Variants in ST18 observed in about 807,000 individuals in gnomAD.
ST18 encodes the protein ST18 C2H2C-type zinc finger transcription factor, also known as suppression of tumorigenicity 18 protein.
ST18 carries 50 observed loss-of-function variants against 110.0 expected under a neutral mutation model. That is an observed-to-expected ratio of 0.45 (90% confidence interval 0.36 to 0.58). The LOEUF (loss-of-function observed/expected upper bound fraction) is 0.58, where lower values mean the gene tolerates loss of function less well. ST18 is among the 20% of genes least tolerant of loss of function. The pLI, the probability that ST18 is intolerant of heterozygous loss-of-function variation, is 0.00. For synonymous variants in ST18, 461 were observed against 452.4 expected (o/e 1.02, Z -0.24); for missense variants, 1,306 against 1,280.1 (o/e 1.02, Z -0.31).
At chr8:52,241,181 G>A (rs1441881544) in intron 2 of ST18, among the ~76,000 whole-genome samples, 1 of 152,110 alleles carries the variant, frequency 6.6e-6, no homozygotes, top group African/African-American at 2.4e-5. Context: ...CACCTGCATT[G>A]GAATAAGCTC....
At chr8:52,308,592 T>C (rs2095851372) in intron 2 of ST18, among the ~76,000 whole-genome samples, 1 of 152,224 alleles carries the variant, frequency 6.6e-6, no homozygotes, top group Non-Finnish European at 1.5e-5. Context: ...AAGAAATATT[T>C]CCCAGAAACC....
Position 52,165,239 on chromosome 8 carries a change from A to G in ST18, c.1205-14T>C, listed in dbSNP as rs751782942. The G allele has an allele frequency of 1.2e-6, 2 of 1,613,674 alleles. No individual in the cohort carries two copies. The highest frequency in any genetic ancestry group is 1.7e-6 in the Non-Finnish European group (2 of 1,179,644). Reference sequence around the variant, plus strand: ...GCATGGCAAGAACTAAGCACAAAACAACACATAAAGGAAAGAATACTTTAC... The same window carrying G: ...GCATGGCAAGAACTAAGCACAAAACGACACATAAAGGAAAGAATACTTTAC... On this transcript the variant is annotated splice_polypyrimidine_tract_variant and intron_variant, in intron 11 of 25. Transcript: ENST00000689386.
At chr8:52,340,815 C>T (rs571068919) in intron 2 of ST18, among the ~76,000 whole-genome samples, 1 of 152,076 alleles carries the variant, frequency 6.6e-6, no homozygotes, top group African/African-American at 2.4e-5. Context: ...TCACCAAACT[C>T]GTCTTAATTG....
At chr8:52,254,705 G>A (rs1589354661) in intron 2 of ST18, among the ~76,000 whole-genome samples, 1 of 152,180 alleles carries the variant, frequency 6.6e-6, no homozygotes, top group African/African-American at 2.4e-5. Flanking sequence ...TGTAATGGAA[G>A]TGGTGCTTAT....
chr8:52,261,467 C>T (rs1050588823), intron 2 of ST18, among the ~76,000 whole-genome samples: 2 of 152,192 alleles, frequency 1.3e-5, no homozygotes, highest in African/African-American at 2.4e-5. Context: ...GGATTCAAGA[C>T]CCTTTTTCAT....
intron 21 of ST18, 51 bp downstream of exon 21, chr8:52,133,006 A>T (rs759136089): frequency 1.2e-6 from 2 of 1,602,942 alleles, no homozygotes. Flanking sequence ...GTTCCCTCCC[A>T]TTTTACCAAC....
chr8:52,216,395 T>C (rs2084231785), intron 6 of ST18, among the ~76,000 whole-genome samples: 1 of 152,178 alleles, frequency 6.6e-6, no homozygotes, highest in Non-Finnish European at 1.5e-5. Flanking sequence ...GTATAGGATA[T>C]AGATATCCTA....
At position 52,133,888 on chromosome 8, in the gene ST18, G is replaced by A. The variant is rs1032289984; in HGVS notation, c.2301-587C>T. 2.6e-4 allele frequency among the ~76,000 whole-genome samples: 40 copies of A among 151,880 alleles called. 1 individual carries two copies. Among genetic ancestry groups the A allele is most frequent in the Admixed American group, 2.6e-3 (40 of 15,248 alleles). On this transcript the variant is annotated intron_variant, in intron 19 of 25. Coordinates refer to ENST00000689386, the MANE Select transcript of ST18 (RefSeq NM_001352837.2). The stretch of plus-strand genomic sequence containing the variant: ...TGGGATTATAGGCACATGCCTCCAT[G>A]CCCACCTAATTTTTGTATTTTTAGT...
At chr8:52,137,327 G>C in intron 18 of ST18, 94 bp downstream of exon 18, 1 of 1,310,294 alleles carries the variant, frequency 7.6e-7, no homozygotes, top group East Asian at 2.4e-5. Context: ...CTCATTTCCT[G>C]CTTCAGATAA....
chr8:52,161,749 A>G (rs1684270012), intron 13 of ST18, among the ~76,000 whole-genome samples, 181 bp from the exon 14 acceptor site: 1 of 152,164 alleles, frequency 6.6e-6, no homozygotes, highest in African/African-American at 2.4e-5. Flanking sequence ...ATAGGGCGAG[A>G]TGGAAAGATG....
chr8:52,117,962 C>A (rs2043154368), intron 24 of ST18, among the ~76,000 whole-genome samples: 1 of 152,116 alleles, frequency 6.6e-6, no homozygotes. Flanking sequence ...AGAGGTGTTC[C>A]AAAAACATTA....
chr8:52,130,084 GAA>G (rs1463666595), intron 22 of ST18, among the ~76,000 whole-genome samples: 39 of 105,114 alleles, frequency 3.7e-4, no homozygotes, highest in Middle Eastern at 9.6e-3. Context: ...GAGAGAGAGA[GAA>G]AGAAAGAAAA....
rs1248062704 is a variant in ST18, at chr8:52,379,171, C to CA, written c.-465+30156dup. On this transcript the variant is annotated intron_variant, in intron 2 of 25. Transcript: ENST00000689386. ...TGAAGTGCAGTGGCTCAATCTCAGC[C>CA]ACTGCAACCTCTGCCTCCCAGGTTC... Among the ~76,000 whole-genome samples the CA allele has an allele frequency of 2.8e-4, 42 of 151,412 alleles. 1 individual carries two copies. The highest frequency in any genetic ancestry group is 2.6e-3 in the Admixed American group (39 of 15,170).
At chr8:52,287,808 C>G (rs529187544) in intron 2 of ST18, among the ~76,000 whole-genome samples, 1 of 152,168 alleles carries the variant, frequency 6.6e-6, no homozygotes, top group Non-Finnish European at 1.5e-5. Context: ...AGTTACATAT[C>G]TGAGCTAGTG....
At chr8:52,259,130 G>T (rs1236831731) in intron 2 of ST18, among the ~76,000 whole-genome samples, 2 of 152,170 alleles carry the variant, frequency 1.3e-5, no homozygotes, top group Non-Finnish European at 2.9e-5. Flanking sequence ...GAGCATCCTT[G>T]AGGTAGTCAG....
At chr8:52,204,400 T>C (rs1485272188) in intron 8 of ST18, among the ~76,000 whole-genome samples, 1 of 152,190 alleles carries the variant, frequency 6.6e-6, no homozygotes, top group African/African-American at 2.4e-5. Context: ...TAATTTCTTA[T>C]AAATCTTGTT....
At chr8:52,346,925 T>A (rs1818061735) in intron 2 of ST18, among the ~76,000 whole-genome samples, 1 of 152,076 alleles carries the variant, frequency 6.6e-6, no homozygotes, top group Non-Finnish European at 1.5e-5. Flanking sequence ...CAAAGAGAAA[T>A]TCTGTAAAAT....
chr8:52,118,481 G>A (rs765369926), intron 23 of ST18, 40 bp from the exon 24 acceptor site: 2 of 1,203,664 alleles, frequency 1.7e-6, no homozygotes, highest in South Asian at 2.9e-5. Context: ...ACTGAAAACT[G>A]TTAACAAATG....
intron 8 of ST18, among the ~76,000 whole-genome samples, chr8:52,195,524 T>C (rs1376379103): frequency 6.6e-6 from 1 of 152,124 alleles, no homozygotes; most frequent in Non-Finnish European, 1.5e-5. Flanking sequence ...TTCACTTAGT[T>C]TATGAATATT....
Sources: allele counts gnomAD v4.1 joint callset (sites outside exome capture counted in the v4.1 genomes callset), GRCh38; gene constraint gnomAD v4.1.1; transcripts MANE v1.5; gene names NCBI Gene and HGNC (gene_info 2026-07-23, HGNC 2026-07-21).